DNAAF5: variants seen among roughly 807,000 people sequenced by gnomAD.
DNAAF5 encodes HEAT repeat containing 2.
In DNAAF5, 64 loss-of-function variants were observed where a neutral mutation model predicts 75.8. The ratio of observed to expected loss-of-function variants is 0.84; its 90% CI spans 0.69 to 1.04. DNAAF5 has a LOEUF of 1.04. DNAAF5 is among the 50% of genes least tolerant of loss of function. The pLI, the probability that DNAAF5 is intolerant of heterozygous loss-of-function variation, is 0.00. For synonymous variants in DNAAF5, 657 were observed against 557.2 expected (o/e 1.18, Z -2.52); for missense variants, 1,269 against 1,178.5 (o/e 1.08, Z -1.12).
chr7:726,851 C>A lies in DNAAF5; in HGVS notation c.131C>A (p.Pro44Gln). 1.5e-6 allele frequency: 2 copies of A among 1,319,038 alleles called. No individual in the cohort carries two copies. Among genetic ancestry groups the A allele is most frequent in the Admixed American group, 3.8e-5 (1 of 26,412 alleles). The allele number at this position is 1,319,038 out of a possible 1,614,324, so 81.7% of individuals were successfully genotyped here. The change falls in exon 1 of 13, where the codon CCG becomes CAG. Residue 44 changes from proline to glutamine, a missense_variant. Transcript: ENST00000297440. ...LLPGLEADSK[P>Q]GRRRALEALR... ...CCGGGGCTGGAGGCCGACAGCAAGCCGGGCCGGCGGCGCGCCTTGGAGGCC... is the reference window on the plus strand; with the variant it reads ...CCGGGGCTGGAGGCCGACAGCAAGCAGGGCCGGCGGCGCGCCTTGGAGGCC...
chr7:782,058 A>C (rs1221651153), intron 12 of DNAAF5, among the ~76,000 whole-genome samples: 1 of 152,252 alleles, frequency 6.6e-6, no homozygotes, highest in Admixed American at 6.5e-5. Flanking sequence ...TTCCCCGCGC[A>C]GCTGCGTCCG....
chr7:739,723 C>T (rs1781846802), intron 2 of DNAAF5, among the ~76,000 whole-genome samples: 1 of 152,194 alleles, frequency 6.6e-6, no homozygotes, highest in African/African-American at 2.4e-5. Context: ...TTCCCATCTT[C>T]CAGGTGGCAA....
chr7:771,009 C>T (rs1778546488), intron 9 of DNAAF5: 2 of 124,734 alleles, frequency 1.6e-5, no homozygotes, highest in East Asian at 4.0e-4. Flanking sequence ...AAGTCAAAGT[C>T]ATCTCCGTGT....
rs1782496433 is a variant in DNAAF5, at chr7:756,727, C to T, written c.1258-55C>T. On this transcript the variant is annotated intron_variant, in intron 5 of 12. Transcript: ENST00000297440. ...GAGGCCACGGCGCCGAGAGCAGGAG[C>T]CCGGCTGAGACCCTCGGGTTTGGCT... is the stretch of plus-strand genomic sequence containing the variant. The T allele has an allele frequency of 1.9e-6, 3 of 1,560,928 alleles. No homozygotes were observed. In the South Asian group the frequency reaches 3.3e-5, roughly 17 times the overall value.
In DNAAF5 at chr7:756,965, C is replaced by T. The variant is rs775750714; in HGVS notation, c.1441C>T (p.Gln481Ter). 4 of 1,605,976 alleles carry T rather than the reference C, an allele frequency of 2.5e-6. No individual in the cohort carries two copies. The highest frequency in any genetic ancestry group is 3.4e-6 in the Non-Finnish European group (4 of 1,179,856). The change falls in exon 6 of 13, where the codon CAG becomes TAG. Residue 481 changes from glutamine to a stop codon, truncating the protein, a stop_gained. Coordinates refer to ENST00000297440, the MANE Select transcript of DNAAF5 (RefSeq NM_017802.4). LOFTEE classifies it high-confidence loss of function. ...HLAAIATELA[Q>*]AHICQASEND... Reference sequence around the variant, plus strand: ...GGCAGCCATCGCCACAGAGCTGGCACAGGCCCACATCTGCCAGGCATCTGA... The same window carrying T: ...GGCAGCCATCGCCACAGAGCTGGCATAGGCCCACATCTGCCAGGCATCTGA...
At chr7:783,203 C>T (rs545720016) in intron 12 of DNAAF5, among the ~76,000 whole-genome samples, 137 of 152,336 alleles carry the variant, frequency 9.0e-4, no homozygotes, top group Admixed American at 3.5e-3. Context: ...ACTGCTCGTC[C>T]GTCCGCCATT....
At chr7:779,626 G>A (rs1277269127) in intron 11 of DNAAF5, among the ~76,000 whole-genome samples, 2 of 152,078 alleles carry the variant, frequency 1.3e-5, no homozygotes, top group South Asian at 4.2e-4. Flanking sequence ...TGGAGGGCCA[G>A]GTGAGCACAC....
At chr7:766,315 C>CT (rs1782820535) in intron 8 of DNAAF5, among the ~76,000 whole-genome samples, 1 of 152,094 alleles carries the variant, frequency 6.6e-6, no homozygotes, top group African/African-American at 2.4e-5. Flanking sequence ...TAAGCTTTCT[C>CT]TAATGAGCAT....
At chr7:757,848 G>A (rs548041165) in intron 6 of DNAAF5, among the ~76,000 whole-genome samples, 5 of 152,336 alleles carry the variant, frequency 3.3e-5, no homozygotes, top group East Asian at 1.9e-4. Context: ...CGGCTCGATC[G>A]TTTCCGGCGG....
chr7:773,931 G>A, intron 9 of DNAAF5, 117 bp from the exon 10 acceptor site: 1 of 1,175,412 alleles, frequency 8.5e-7, no homozygotes, highest in Non-Finnish European at 1.3e-6. Flanking sequence ...TCGTGTTTTG[G>A]GGTCGAGTTC....
intron 4 of DNAAF5, among the ~76,000 whole-genome samples, chr7:745,279 A>G (rs1350996116): frequency 1.3e-5 from 2 of 152,212 alleles, no homozygotes; most frequent in Admixed American, 1.3e-4. Context: ...TGGGGCAGGA[A>G]TGGCAGTCCC....
At chr7:743,098 C>T (rs1383170574) in intron 4 of DNAAF5, among the ~76,000 whole-genome samples, 1 of 152,218 alleles carries the variant, frequency 6.6e-6, no homozygotes, top group Non-Finnish European at 1.5e-5. Flanking sequence ...GGCACAGTAG[C>T]TCACGCCTGT....
intron 11 of DNAAF5, 132 bp downstream of exon 11, chr7:775,294 C>T (rs537461502): frequency 1.8e-4 from 150 of 820,100 alleles, no homozygotes; most frequent in Non-Finnish European, 2.9e-4. Flanking sequence ...TGGTTCACAC[C>T]TTTAATTCCA....
At chr7:749,953 C>T (rs1782238259) in intron 4 of DNAAF5, among the ~76,000 whole-genome samples, 1 of 152,192 alleles carries the variant, frequency 6.6e-6, no homozygotes, top group Non-Finnish European at 1.5e-5. Flanking sequence ...CCCGCCTTGG[C>T]CTCCCAAAGT....
At chr7:767,975 C>T (rs913622494) in intron 8 of DNAAF5, among the ~76,000 whole-genome samples, 1 of 148,034 alleles carries the variant, frequency 6.8e-6, no homozygotes. Flanking sequence ...CAGGAGCGCT[C>T]GTGCTTGGAA....
rs775484155 is a variant in DNAAF5, at chr7:754,680, G to C, written c.1116G>C (p.Val372=). 6.2e-7 allele frequency: 1 copy of C among 1,613,980 alleles called. No homozygotes were observed. Among genetic ancestry groups the C allele is most frequent in the African/African-American group, 1.3e-5 (1 of 74,930 alleles). The change falls in exon 5 of 13, where the codon GTG becomes GTC. Residue 372 remains valine, a synonymous_variant. Transcript: ENST00000297440. This position sits in a 1 kb window ranked among gnomAD's most constrained non-coding sequence, Gnocchi z 4.8. The stretch of plus-strand genomic sequence containing the variant: ...TGTGCCACGACATCACCGACTGGGT[G>C]GTGGGGACCCGAGTGAAGTCGGCAC... ...PALCHDITDW[V]VGTRVKSAQL... is the part of the protein sequence containing the mutation.
intron 4 of DNAAF5, among the ~76,000 whole-genome samples, chr7:751,940 T>A (rs1218705663): frequency 4.0e-5 from 6 of 149,826 alleles, no homozygotes; most frequent in Admixed American, 4.0e-4. Flanking sequence ...ATCGACAAAC[T>A]GATTGTGAAA....
In DNAAF5 at chr7:767,218, G is replaced by A. The variant is rs981370305; in HGVS notation, c.1783+3244G>A. Among the ~76,000 whole-genome samples, 8 of 138,148 alleles carry A rather than the reference G, an allele frequency of 5.8e-5. No homozygotes were observed. The South Asian group carries it at 7.2e-4, about 12-fold the overall frequency. The allele number at this position is 138,148 out of a possible 152,430, so 90.6% of individuals were successfully genotyped here. ...TGTGCCACTGCCCTCCAGCCTAGGC[G>A]ACAGAGCGAGACTCGGTCTCAAAAA... On this transcript the variant is annotated intron_variant, in intron 8 of 12. Transcript: ENST00000297440.
At chr7:728,024 A>G (rs1428296733) in intron 1 of DNAAF5, among the ~76,000 whole-genome samples, 1 of 151,704 alleles carries the variant, frequency 6.6e-6, no homozygotes, top group Non-Finnish European at 1.5e-5. Context: ...TTTCTGTCCC[A>G]TTCATCCTAC....
Sources: allele counts gnomAD v4.1 joint callset (sites outside exome capture counted in the v4.1 genomes callset), GRCh38; gene constraint gnomAD v4.1.1; non-coding constraint Gnocchi (gnomAD v3.1); transcripts MANE v1.5; gene names NCBI Gene and HGNC (gene_info 2026-07-23, HGNC 2026-07-21).